Variants in LTBP1 observed in about 807,000 individuals in gnomAD.
LTBP1 encodes latent-transforming growth factor beta-binding protein 1.
In LTBP1, 129 loss-of-function variants were observed where a neutral mutation model predicts 207.6. That is an observed-to-expected ratio of 0.62 (90% CI 0.54 to 0.72). The LOEUF (loss-of-function observed/expected upper bound fraction) is 0.72, where lower values mean the gene tolerates loss of function less well. Ranked by LOEUF, LTBP1 falls within the 30% of genes least tolerant of loss-of-function variation. The pLI is 0.00. For synonymous variants in LTBP1, 963 were observed against 833.7 expected, an observed-to-expected ratio of 1.16 and a Z score of -2.67; for missense variants, 2,281 against 2,217.2, an observed-to-expected ratio of 1.03 and a Z score of -0.58.
At chr2:33,087,134 T>C (rs1352016542) in intron 3 of LTBP1, among the ~76,000 whole-genome samples, 7 of 136,474 alleles carry the variant, frequency 5.1e-5, no homozygotes, top group African/African-American at 1.7e-4. Flanking sequence ...CTCTGTCACC[T>C]AGGCTGGAGT....
chr2:33,189,237 C>T (rs188947717), intron 7 of LTBP1, among the ~76,000 whole-genome samples: 50 of 152,182 alleles, frequency 3.3e-4, no homozygotes, highest in Middle Eastern at 3.4e-3. Flanking sequence ...ACTCTGTTGC[C>T]CAGGCTGGAG....
chr2:32,952,172 T>A (rs191505410), intron 2 of LTBP1, among the ~76,000 whole-genome samples: 3 of 152,350 alleles, frequency 2.0e-5, no homozygotes, highest in East Asian at 3.9e-4. Context: ...TGGATTGTTT[T>A]TAGTTGATTG....
At chr2:33,251,847 T>C (rs1414824994) in intron 10 of LTBP1, among the ~76,000 whole-genome samples, 19 of 152,074 alleles carry the variant, frequency 1.2e-4, no homozygotes, top group Admixed American at 1.2e-3. Context: ...TTCTGTAGAA[T>C]ACACTCCATC....
intron 31 of LTBP1, among the ~76,000 whole-genome samples, chr2:33,386,131 T>C (rs2095263704): frequency 1.3e-5 from 2 of 152,176 alleles, no homozygotes; most frequent in South Asian, 4.1e-4. Flanking sequence ...ACAACTTAGT[T>C]TTCTTTCTTG....
chr2:33,248,833 C>T (rs1243559347), intron 10 of LTBP1, among the ~76,000 whole-genome samples: 3 of 152,106 alleles, frequency 2.0e-5, no homozygotes, highest in Non-Finnish European at 2.9e-5. Flanking sequence ...GTGATCCGCC[C>T]ACCTCTGCCT....
intron 31 of LTBP1, among the ~76,000 whole-genome samples, chr2:33,367,484 TC>T (rs1384188636): frequency 6.6e-6 from 1 of 152,226 alleles, no homozygotes; most frequent in Non-Finnish European, 1.5e-5. Context: ...AGGTAATTTT[TC>T]AACCCTTACC....
intron 25 of LTBP1, among the ~76,000 whole-genome samples, chr2:33,343,373 T>G (rs889192048): frequency 1.4e-5 from 2 of 142,626 alleles, no homozygotes; most frequent in African/African-American, 5.5e-5. Flanking sequence ...ATCATGCCAC[T>G]GCACGGCAGC....
chr2:33,128,776 A>C (rs1438906568), intron 4 of LTBP1, among the ~76,000 whole-genome samples: 6 of 152,162 alleles, frequency 3.9e-5, no homozygotes, highest in African/African-American at 1.4e-4. Flanking sequence ...GAATTAGGAG[A>C]TTGGGTACAT....
chr2:33,315,012 A>G (rs1341678559), intron 23 of LTBP1, 132 bp from the exon 24 acceptor site: 1 of 706,666 alleles, frequency 1.4e-6, no homozygotes, highest in Admixed American at 3.5e-5. Flanking sequence ...TGATTTATGG[A>G]CAAATGGTAT....
At chr2:32,995,025 T>G (rs572309443) in intron 2 of LTBP1, among the ~76,000 whole-genome samples, 1 of 152,140 alleles carries the variant, frequency 6.6e-6, no homozygotes, top group Non-Finnish European at 1.5e-5. Context: ...CCCCATCTTT[T>G]AAAAAATACT....
intron 7 of LTBP1, among the ~76,000 whole-genome samples, chr2:33,209,127 C>G (rs999803430): frequency 2.6e-5 from 4 of 152,100 alleles, no homozygotes; most frequent in African/African-American, 7.2e-5. Flanking sequence ...CCTGCCTTGG[C>G]CTCCCAAAGT....
At chr2:33,161,820 A>G (rs1038933006) in intron 5 of LTBP1, among the ~76,000 whole-genome samples, 1 of 152,230 alleles carries the variant, frequency 6.6e-6, no homozygotes, top group African/African-American at 2.4e-5. Flanking sequence ...GATCGCTTTT[A>G]TTGATGATCA....
chr2:33,169,613 A>G (rs915446676), intron 5 of LTBP1, among the ~76,000 whole-genome samples: 1 of 152,238 alleles, frequency 6.6e-6, no homozygotes, highest in African/African-American at 2.4e-5. Flanking sequence ...CATAGAACAT[A>G]TAATAGAGAA....
chr2:33,021,545 T>G (rs1298768911), intron 3 of LTBP1, among the ~76,000 whole-genome samples: 12 of 152,188 alleles, frequency 7.9e-5, no homozygotes, highest in Non-Finnish European at 1.5e-4. Flanking sequence ...GGGGAGCTGC[T>G]TTATAGAGTT....
intron 7 of LTBP1, among the ~76,000 whole-genome samples, chr2:33,209,529 A>T (rs1276637190): frequency 3.3e-5 from 5 of 152,224 alleles, no homozygotes; most frequent in Non-Finnish European, 7.3e-5. Context: ...TCTTAAGCAG[A>T]GTTAAAATGA....
chr2:33,352,283 C>T lies in LTBP1; in HGVS notation c.4000+4773C>T, dbSNP rs544711076. On this transcript the variant is annotated intron_variant, in intron 26 of 33. Transcript: ENST00000404816. ...GGTAGCTGGGATTATAGGAGCATAC[C>T]ACCACGCCCGGCTAATTTTTGTATT... Among the ~76,000 whole-genome samples the T allele has an allele frequency of 3.7e-3, 556 of 152,160 alleles. 3 individuals are homozygous for T. The highest frequency in any genetic ancestry group is 0.013 in the African/African-American group (536 of 41,516).
chr2:33,116,615 A>G (rs1472996124), intron 4 of LTBP1, among the ~76,000 whole-genome samples: 1 of 152,126 alleles, frequency 6.6e-6, no homozygotes, highest in Admixed American at 6.5e-5. Flanking sequence ...AGTGTAAACA[A>G]TTTCAGGAAA....
chr2:33,365,350 G>A lies in LTBP1; in HGVS notation c.4558G>A (p.Asp1520Asn), dbSNP rs1000899159. The stretch of plus-strand genomic sequence containing the variant: ...CCTTTCAGAACAAATAGAAGAAACT[G>A]ATGTCTACCAAGATTTGTGCTGGGA... Reference protein sequence around the residue: ...AESNEQIEETDVYQDLCWEHL... With the variant: ...AESNEQIEETNVYQDLCWEHL... The change falls in exon 31 of 34, where the codon GAT (aspartate) becomes AAT (asparagine). Residue 1520 changes from aspartate (D) to asparagine (N), a missense_variant. By Grantham distance (23) the Asp-to-Asn change is conservative. Coordinates refer to ENST00000404816, the MANE Select transcript of LTBP1 (RefSeq NM_206943.4). 3 of 1,614,062 alleles carry A rather than the reference G, an allele frequency of 1.9e-6. No homozygotes were observed. In the African/African-American group the frequency reaches 4.0e-5, roughly 22 times the overall value.
At chr2:33,277,834 T>TTCTTTC (rs1373634281) in intron 18 of LTBP1, among the ~76,000 whole-genome samples, 19 of 113,576 alleles carry the variant, frequency 1.7e-4, no homozygotes, top group Non-Finnish European at 2.9e-4. Context: ...TCTTTCTTTT[T>TTCTTTC]TTTTTTTTTT....
Sources: gnomAD v4.1 joint callset for allele counts (sites outside exome capture counted in the v4.1 genomes callset) on GRCh38, gnomAD v4.1.1 for gene constraint, MANE v1.5 for transcripts, NCBI Gene and HGNC (gene_info 2026-07-23, HGNC 2026-07-21) for gene names.